Variants in PLCE1 observed in about 807,000 individuals in gnomAD.
The protein encoded by PLCE1 is 1-phosphatidylinositol 4,5-bisphosphate phosphodiesterase epsilon-1.
Under a neutral mutation model 242.8 loss-of-function variants are expected in PLCE1, and 119 were observed. The observed-to-expected ratio is 0.49, with a 90% CI of 0.42 to 0.57. PLCE1 has a LOEUF of 0.57. Among genes scored for constraint, PLCE1 ranks in the 20% least tolerant of loss-of-function variants. PLCE1 has a pLI of 0.00. For missense variants in PLCE1, 2,441 were observed against 2,788.8 expected, an observed-to-expected ratio of 0.88 and a Z score of 2.81; for synonymous variants, 945 against 1,017.4, an observed-to-expected ratio of 0.93 and a Z score of 1.35.
intron 2 of PLCE1, among the ~76,000 whole-genome samples, chr10:94,125,769 A>C (rs2046419922): frequency 6.6e-6 from 1 of 152,200 alleles, no homozygotes. Flanking sequence ...ATAATTTTTC[A>C]TAAGTGATCT....
At position 94,190,660 on chromosome 10, in the gene PLCE1, G is replaced by A. The variant is rs141443715; in HGVS notation, c.1809+19164G>A. On this transcript the variant is annotated intron_variant, in intron 4 of 32. Coordinates refer to ENST00000371380, the MANE Select transcript of PLCE1 (RefSeq NM_016341.4). ...GAATCCTTAGCTCAGGATAGTGCCT[G>A]GCACATAGTAGGTGTTCAACAAGTG... 3.5e-3 allele frequency among the ~76,000 whole-genome samples: 528 copies of A among 152,308 alleles called. 2 individuals carry two copies. Among genetic ancestry groups the A allele is most frequent in the African/African-American group, 0.012 (516 of 41,578 alleles).
intron 2 of PLCE1, among the ~76,000 whole-genome samples, chr10:94,110,776 G>A (rs905277157): frequency 6.6e-6 from 1 of 152,182 alleles, no homozygotes; most frequent in Non-Finnish European, 1.5e-5. Context: ...GAAAACAGAA[G>A]CATCATCCTT....
At chr10:94,271,189 T>A (rs1467369141) in intron 18 of PLCE1, among the ~76,000 whole-genome samples, 1 of 151,684 alleles carries the variant, frequency 6.6e-6, no homozygotes, top group African/African-American at 2.4e-5. Flanking sequence ...ATAGACCAAC[T>A]CTCCAACACT....
chr10:94,089,422 A>T, intron 2 of PLCE1: 1 of 1,463,018 alleles, frequency 6.8e-7, no homozygotes, highest in Non-Finnish European at 9.3e-7. Flanking sequence ...TTCTTAATGC[A>T]TGGAATCCTG....
intron 1 of PLCE1, among the ~76,000 whole-genome samples, chr10:94,019,008 ACT>A (rs762698195): frequency 1.4e-4 from 22 of 152,160 alleles, no homozygotes; most frequent in Non-Finnish European, 2.9e-4. Flanking sequence ...ATATTTGATG[ACT>A]CTGGAGAGGT....
intron 3 of PLCE1, among the ~76,000 whole-genome samples, chr10:94,150,041 A>T (rs911590159): frequency 6.6e-6 from 1 of 152,216 alleles, no homozygotes. Context: ...CATGTGTCTT[A>T]TGTGTATAAA....
At chr10:94,315,367 C>T (rs978962250) in intron 28 of PLCE1, 2 of 455,684 alleles carry the variant, frequency 4.4e-6, no homozygotes, top group Non-Finnish European at 8.8e-6. Flanking sequence ...TGGCAGCTTT[C>T]TCTCATCACC....
At chr10:94,072,687 C>A (rs1298861034) in intron 2 of PLCE1, among the ~76,000 whole-genome samples, 1 of 152,146 alleles carries the variant, frequency 6.6e-6, no homozygotes, top group African/African-American at 2.4e-5. Context: ...TACAAATAGA[C>A]CAGTTTATTT....
At chr10:94,104,542 T>A (rs926390454) in intron 2 of PLCE1, 31 of 152,154 alleles carry the variant, frequency 2.0e-4, no homozygotes, top group Non-Finnish European at 2.2e-4. Context: ...TTTGTGAGAG[T>A]GATTTGTTGA....
intron 2 of PLCE1, among the ~76,000 whole-genome samples, chr10:94,057,292 TATC>T (rs1487235653): frequency 1.3e-5 from 2 of 152,148 alleles, no homozygotes; most frequent in African/African-American, 4.8e-5. Flanking sequence ...TCTACCATAA[TATC>T]ATGATTATTT....
chr10:94,241,537 A>T (rs1389187938), intron 7 of PLCE1, among the ~76,000 whole-genome samples: 1 of 152,176 alleles, frequency 6.6e-6, no homozygotes, highest in East Asian at 1.9e-4. Flanking sequence ...CCCCCCTGTA[A>T]TCCCAGCACT....
In PLCE1 at chr10:94,329,835, G is replaced by C. The variant is rs1405705576; in HGVS notation, c.*1892G>C. On this transcript the variant is annotated 3_prime_UTR_variant, in exon 33 of 33. Coordinates refer to ENST00000371380, the MANE Select transcript of PLCE1 (RefSeq NM_016341.4). ...AACACCATACAGCTTTCATGTCATTGAAAGTTCTTACTGGGTCAAAGCCTT... is the reference window on the plus strand; with the variant it reads ...AACACCATACAGCTTTCATGTCATTCAAAGTTCTTACTGGGTCAAAGCCTT... 3 of 122,224 alleles carry C rather than the reference G, an allele frequency of 2.5e-5. No homozygotes were observed. Among genetic ancestry groups the C allele is most frequent in the Non-Finnish European group, 4.9e-5 (3 of 61,538 alleles). 7.6% of individuals were successfully genotyped at this position (122,224 alleles called of 1,614,324 possible).
intron 2 of PLCE1, among the ~76,000 whole-genome samples, chr10:94,103,588 G>A (rs965479399): frequency 1.1e-4 from 16 of 152,144 alleles, no homozygotes; most frequent in Middle Eastern, 3.2e-3. Context: ...ACCATGGCAC[G>A]TGTGTACCTA....
In PLCE1 at chr10:94,234,289, A is replaced by G. The variant is rs969149092; in HGVS notation, c.2191A>G (p.Asn731Asp). Residue 731 changes from asparagine to aspartate, a missense_variant, in exon 6 of 33, where the codon AAT becomes GAT. Physicochemically the swap from Asn to Asp is conservative, Grantham distance 23. Around this residue, in one of 5 missense-constraint regions of PLCE1, gnomAD observed 733 missense variants for 754.2 expected, o/e 0.97. Coordinates refer to ENST00000371380, the MANE Select transcript of PLCE1 (RefSeq NM_016341.4). ...TCTCATGAAGCTTTGCCCGCGGTAC[A>G]ATTCCCAAGAAGAAACTTTAGAGGT... ...SGLMKLCPRY[N>D]SQEETLEFVA... The G allele has an allele frequency of 5.6e-6, 9 of 1,613,978 alleles. No individual in the cohort carries two copies. In the Admixed American group the frequency reaches 1.0e-4, roughly 18 times the overall value.
intron 4 of PLCE1, among the ~76,000 whole-genome samples, chr10:94,177,164 A>G (rs1472281455): frequency 1.3e-5 from 2 of 152,346 alleles, no homozygotes; most frequent in African/African-American, 2.4e-5. Context: ...GCAGTTTTGC[A>G]TAATGTTTAT....
At chr10:94,213,777 T>A (rs1259756032) in intron 4 of PLCE1, among the ~76,000 whole-genome samples, 1 of 152,226 alleles carries the variant, frequency 6.6e-6, no homozygotes, top group African/African-American at 2.4e-5. Context: ...AAGTGCTACA[T>A]CTTGAAGAAG....
At chr10:94,269,383 C>T (rs928869777) in intron 17 of PLCE1, among the ~76,000 whole-genome samples, 7 of 152,004 alleles carry the variant, frequency 4.6e-5, no homozygotes, top group African/African-American at 1.5e-4. Context: ...GGATTACAGA[C>T]GTGAGCCACC....
intron 1 of PLCE1, among the ~76,000 whole-genome samples, chr10:94,007,842 T>C (rs2061076091): frequency 6.6e-6 from 1 of 151,742 alleles, no homozygotes; most frequent in African/African-American, 2.4e-5. Flanking sequence ...TTTTGTTTTC[T>C]ATAAATGAGT....
intron 19 of PLCE1, among the ~76,000 whole-genome samples, chr10:94,275,584 C>A (rs1169693036): frequency 6.6e-6 from 1 of 152,160 alleles, no homozygotes; most frequent in Admixed American, 6.6e-5. Flanking sequence ...GCCTGTAATC[C>A]CAGCACTTTG....
Sources: allele counts gnomAD v4.1 joint callset (sites outside exome capture counted in the v4.1 genomes callset), GRCh38; gene constraint gnomAD v4.1.1; regional missense constraint gnomAD v4.1.1; transcripts MANE v1.5; gene names NCBI Gene and HGNC (gene_info 2026-07-23, HGNC 2026-07-21).